Variants in ZNF81 observed in about 807,000 individuals in gnomAD.
ZNF81 encodes the protein zinc finger protein 81 (HFZ20).
A neutral mutation model predicts 32.3 loss-of-function variants in ZNF81; 5 were observed. The ratio of observed to expected loss-of-function variants is 0.15; its 90% CI spans 0.08 to 0.33. The LOEUF (loss-of-function observed/expected upper bound fraction) is 0.33. Among genes scored for constraint, ZNF81 ranks in the 10% least tolerant of loss-of-function variants. The pLI, the probability that ZNF81 is intolerant of heterozygous loss-of-function variation, is 1.00. For synonymous variants in ZNF81, 163 were observed against 166.8 expected, an observed-to-expected ratio of 0.98 and a Z score of 0.17; for missense variants, 379 against 479.8, an observed-to-expected ratio of 0.79 and a Z score of 1.96.
Position 47,919,131 on chromosome X carries a change from T to A in ZNF81, c.*2499T>A. On this transcript the variant is annotated 3_prime_UTR_variant, in exon 5 of 5. Coordinates refer to ENST00000338637, the MANE Select transcript of ZNF81 (RefSeq NM_007137.5). ...GATGAGAAATTTGGAGGTCCTGGAA[T>A]AGGGGTGAACACATTTTGCATGGGG... is the stretch of plus-strand genomic sequence containing the variant. The A allele has an allele frequency of 3.0e-6, 1 of 328,656 alleles. No individual in the cohort carries two copies. The highest frequency in any genetic ancestry group is 2.6e-5 in the South Asian group (1 of 37,835). The allele number at this position is 328,656 out of a possible 1,213,427, so 27.1% of individuals were successfully genotyped here.
At chrX:47,849,995 C>T (rs1472715103) in intron 2 of ZNF81, among the ~76,000 whole-genome samples, 4 of 111,826 alleles carry the variant, frequency 3.6e-5, no homozygotes, top group African/African-American at 1.3e-4. Context: ...AGTACAATGA[C>T]AAGTGTTAGG....
intron 1 of ZNF81, among the ~76,000 whole-genome samples, chrX:47,839,159 C>G (rs2058436706): frequency 9.0e-6 from 1 of 111,446 alleles, no homozygotes; most frequent in Non-Finnish European, 1.9e-5. Context: ...CTTCTGTTTT[C>G]TGGAAGAGAC....
intron 2 of ZNF81, among the ~76,000 whole-genome samples, chrX:47,878,204 C>T (rs889704433): frequency 1.3e-4 from 14 of 111,579 alleles, no homozygotes; most frequent in African/African-American, 4.2e-4. Context: ...CATGAATTTT[C>T]CTCTTTTTGT....
intron 2 of ZNF81, among the ~76,000 whole-genome samples, chrX:47,847,845 T>C (rs1434938296): frequency 1.8e-5 from 2 of 112,235 alleles, no homozygotes; most frequent in Admixed American, 9.4e-5. Flanking sequence ...ATGAATGCCA[T>C]GGAAATATAC....
intron 4 of ZNF81, among the ~76,000 whole-genome samples, chrX:47,909,936 A>G (rs2148042255): frequency 9.1e-6 from 1 of 110,466 alleles, no homozygotes; most frequent in African/African-American, 3.3e-5. Flanking sequence ...AAGGACATGA[A>G]CTCATCCTTT....
At position 47,919,821 on chromosome X, in the gene ZNF81, G is replaced by C. The variant is rs1431057675; in HGVS notation, c.*3189G>C. On this transcript the variant is annotated 3_prime_UTR_variant, in exon 5 of 5. Coordinates refer to ENST00000338637, the MANE Select transcript of ZNF81 (RefSeq NM_007137.5). Reference sequence around the variant, plus strand: ...TTAGGATTTTAACATATGAATTTTGGGGGGGATGCAATCATTCAGCCCATA... The same window carrying C: ...TTAGGATTTTAACATATGAATTTTGCGGGGGATGCAATCATTCAGCCCATA... 2 of 111,093 alleles carry C rather than the reference G, an allele frequency of 1.8e-5. No individual in the cohort carries two copies. The highest frequency in any genetic ancestry group is 6.6e-5 in the African/African-American group (2 of 30,456). The allele number at this position is 111,093 out of a possible 1,213,427, so 9.2% of individuals were successfully genotyped here. A position where few individuals can be genotyped will look rare whatever the true frequency, so the allele number is the denominator to read the frequency against.
At chrX:47,845,699 A>T (rs2058467623) in intron 1 of ZNF81, among the ~76,000 whole-genome samples, 1 of 111,938 alleles carries the variant, frequency 8.9e-6, no homozygotes, top group Non-Finnish European at 1.9e-5. Context: ...TGTTGTGTAA[A>T]TTACCTGCTA....
chrX:47,870,777 C>A (rs1374601455), intron 2 of ZNF81, among the ~76,000 whole-genome samples: 1 of 112,386 alleles, frequency 8.9e-6, no homozygotes, highest in Non-Finnish European at 1.9e-5. Context: ...TCTGTGAAGA[C>A]TTTTGCTGAC....
intron 1 of ZNF81, among the ~76,000 whole-genome samples, chrX:47,839,618 G>A (rs2058438577): frequency 8.9e-6 from 1 of 111,867 alleles, no homozygotes; most frequent in South Asian, 3.7e-4. Context: ...ACTTTATTAT[G>A]TATATGCATA....
chrX:47,852,705 G>A (rs2058500443), intron 2 of ZNF81, among the ~76,000 whole-genome samples: 1 of 112,501 alleles, frequency 8.9e-6, no homozygotes, highest in Admixed American at 9.4e-5. Flanking sequence ...CTCTAGTGGC[G>A]TCTTGAACCC....
intron 3 of ZNF81, among the ~76,000 whole-genome samples, chrX:47,892,396 T>G (rs1238785243): frequency 1.8e-5 from 2 of 112,090 alleles, no homozygotes; most frequent in African/African-American, 6.5e-5. Flanking sequence ...CCTTAAAAAT[T>G]TGTTTCTCAC....
intron 1 of ZNF81, chrX:47,841,521 G>T (rs1193569110): frequency 6.6e-5 from 64 of 963,472 alleles, no homozygotes; most frequent in Non-Finnish European, 8.5e-5. Context: ...CGTTTCTGCC[G>T]CCAGGAATCA....
intron 2 of ZNF81, among the ~76,000 whole-genome samples, chrX:47,883,763 T>C (rs1459819621): frequency 8.9e-6 from 1 of 112,297 alleles, no homozygotes; most frequent in African/African-American, 3.2e-5. Flanking sequence ...ATTTGTCTTT[T>C]ATCTGCTTTT....
intron 4 of ZNF81, among the ~76,000 whole-genome samples, chrX:47,908,566 A>T (rs1205090530): frequency 8.9e-6 from 1 of 112,018 alleles, no homozygotes; most frequent in Non-Finnish European, 1.9e-5. Flanking sequence ...AAATATATTC[A>T]CTAAAAGAAA....
intron 2 of ZNF81, among the ~76,000 whole-genome samples, chrX:47,865,068 C>T (rs1419301909): frequency 8.9e-6 from 1 of 111,961 alleles, no homozygotes; most frequent in Non-Finnish European, 1.9e-5. Flanking sequence ...ATTAGTGGAT[C>T]AGGTCCAGGC....
chrX:47,840,640 T>C (rs1262146436), intron 1 of ZNF81, among the ~76,000 whole-genome samples: 16 of 110,299 alleles, frequency 1.5e-4, no homozygotes, highest in Non-Finnish European at 1.7e-4. Context: ...CCTGAGTAGC[T>C]GGGATTACAG....
intron 2 of ZNF81, 61 bp downstream of exon 2, chrX:47,846,382 A>G (rs1271922218): frequency 3.1e-5 from 35 of 1,144,617 alleles, no homozygotes; most frequent in Non-Finnish European, 4.0e-5. Context: ...AAGGAAAGAT[A>G]CTACCTCATA....
At chrX:47,901,912 G>A (rs1250312144) in intron 4 of ZNF81, among the ~76,000 whole-genome samples, 3 of 111,369 alleles carry the variant, frequency 2.7e-5, no homozygotes, top group African/African-American at 9.8e-5. Flanking sequence ...CAGTGTTCAC[G>A]TCTCTTGTGA....
intron 3 of ZNF81, among the ~76,000 whole-genome samples, chrX:47,891,235 C>T (rs1481615322): frequency 1.8e-5 from 2 of 112,792 alleles, no homozygotes; most frequent in African/African-American, 6.5e-5. Context: ...GCATAGGGTA[C>T]CAGGGAATGT....
Sources: allele counts gnomAD v4.1 joint callset (sites outside exome capture counted in the v4.1 genomes callset), GRCh38; gene constraint gnomAD v4.1.1; transcripts MANE v1.5; gene names NCBI Gene and HGNC (gene_info 2026-07-23, HGNC 2026-07-21).